The following L3MBTL4 variants were observed in gnomAD, a reference collection of about 807,000 sequenced individuals.
L3MBTL4 encodes the protein L3MBTL histone methyl-lysine binding protein 4, also known as lethal(3)malignant brain tumor-like protein 4.
L3MBTL4 carries 70 observed loss-of-function variants against 84.5 expected under a neutral mutation model. That is an observed-to-expected ratio of 0.83 (90% CI 0.68 to 1.01). L3MBTL4 has a LOEUF of 1.01. L3MBTL4 is among the 50% of genes least tolerant of loss of function. L3MBTL4 has a pLI of 0.00. For missense variants in L3MBTL4, 715 were observed against 754.8 expected (o/e 0.95, Z 0.62); for synonymous variants, 274 against 259.8 (o/e 1.05, Z -0.52).
intron 4 of L3MBTL4, among the ~76,000 whole-genome samples, chr18:6,265,324 C>G (rs2048583666): frequency 6.6e-6 from 1 of 152,092 alleles, no homozygotes; most frequent in Admixed American, 6.6e-5. Context: ...TTTTGAATAA[C>G]AAAAGCTGGC....
At chr18:6,135,800 C>T (rs1045338042) in intron 14 of L3MBTL4, among the ~76,000 whole-genome samples, 1 of 152,232 alleles carries the variant, frequency 6.6e-6, no homozygotes, top group Non-Finnish European at 1.5e-5. Flanking sequence ...CCAAACTGTT[C>T]CAACCTCTGC....
chr18:6,099,625 A>AT (rs2143823166), intron 14 of L3MBTL4, among the ~76,000 whole-genome samples: 1 of 57,716 alleles, frequency 1.7e-5, no homozygotes, highest in South Asian at 7.0e-4. Flanking sequence ...GAGAGAGGAG[A>AT]TTTTCAGGTC....
intron 1 of L3MBTL4, among the ~76,000 whole-genome samples, chr18:6,332,397 A>G (rs2052084804): frequency 6.6e-6 from 1 of 152,218 alleles, no homozygotes; most frequent in South Asian, 2.1e-4. Context: ...TTCTTTGTCC[A>G]GCTACCTGAT....
chr18:6,202,104 C>T (rs1271269389), intron 12 of L3MBTL4, among the ~76,000 whole-genome samples: 2 of 152,216 alleles, frequency 1.3e-5, no homozygotes, highest in Non-Finnish European at 2.9e-5. Context: ...AAACACAGAG[C>T]TGCAACCAAT....
At chr18:6,388,191 T>A (rs1256438738) in intron 1 of L3MBTL4, among the ~76,000 whole-genome samples, 1 of 152,114 alleles carries the variant, frequency 6.6e-6, no homozygotes, top group Non-Finnish European at 1.5e-5. Context: ...AAAATGCAAG[T>A]ACCAACAATC....
At position 6,071,815 on chromosome 18, in the gene L3MBTL4, G is replaced by A. The variant is rs1480430453; in HGVS notation, c.1444+9066C>T. Among the ~76,000 whole-genome samples, 251 of 116,182 alleles carry A rather than the reference G, an allele frequency of 2.2e-3. 4 individuals carry two copies. Among genetic ancestry groups the A allele is most frequent in the African/African-American group, 4.2e-3 (104 of 25,030 alleles). 76.2% of individuals were successfully genotyped at this position (116,182 alleles called of 152,430 possible). ...AAAGAAAGAAAGAAAAAGAAAGAAA[G>A]GAAAGAAAGAAAGAAAGAAAGAGAA... is the stretch of plus-strand genomic sequence containing the variant. On this transcript the variant is annotated intron_variant, in intron 16 of 18. Transcript: ENST00000317931.
intron 1 of L3MBTL4, among the ~76,000 whole-genome samples, chr18:6,330,197 A>G (rs1414104429): frequency 6.6e-6 from 1 of 152,228 alleles, no homozygotes. Context: ...TGGAACTCTC[A>G]TGTCACAGAG....
chr18:6,217,826 C>T (rs2046388168), intron 10 of L3MBTL4, among the ~76,000 whole-genome samples: 1 of 152,054 alleles, frequency 6.6e-6, no homozygotes, highest in Non-Finnish European at 1.5e-5. Flanking sequence ...AATTATATTG[C>T]CACCCTATTA....
chr18:6,049,420 A>G (rs1237078151), intron 16 of L3MBTL4, among the ~76,000 whole-genome samples: 1 of 152,240 alleles, frequency 6.6e-6, no homozygotes, highest in Non-Finnish European at 1.5e-5. Flanking sequence ...TAACCCCATT[A>G]AAAAGTAGGC....
At chr18:6,250,383 G>A (rs1442254228) in intron 5 of L3MBTL4, among the ~76,000 whole-genome samples, 2 of 152,136 alleles carry the variant, frequency 1.3e-5, no homozygotes, top group Admixed American at 1.3e-4. Context: ...TTATATGTGT[G>A]TGCCATCCAC....
intron 18 of L3MBTL4, 151 bp from the exon 19 acceptor site, chr18:5,956,538 T>C: frequency 1.5e-6 from 1 of 653,098 alleles, no homozygotes; most frequent in Non-Finnish European, 2.6e-6. Flanking sequence ...TAGCTCTCAC[T>C]CGGCTTAGTT....
At chr18:6,307,011 C>T (rs936406460) in intron 3 of L3MBTL4, among the ~76,000 whole-genome samples, 2 of 152,170 alleles carry the variant, frequency 1.3e-5, no homozygotes, top group South Asian at 2.1e-4. Context: ...ATATCACACA[C>T]GTCACCTTCT....
intron 1 of L3MBTL4, among the ~76,000 whole-genome samples, chr18:6,407,857 T>C (rs1265641992): frequency 1.3e-5 from 2 of 152,240 alleles, no homozygotes; most frequent in East Asian, 3.9e-4. Flanking sequence ...ATTCCACACC[T>C]CAGAGTGCAA....
intron 16 of L3MBTL4, among the ~76,000 whole-genome samples, chr18:5,998,131 C>T (rs1051658325): frequency 5.3e-5 from 8 of 152,194 alleles, no homozygotes; most frequent in Non-Finnish European, 1.0e-4. Context: ...AAATCTCAGC[C>T]CTGCCTGATC....
chr18:6,031,649 G>C, intron 16 of L3MBTL4: 1 of 975,008 alleles, frequency 1.0e-6, no homozygotes, highest in Non-Finnish European at 1.2e-6. Context: ...CAGGGCAGCT[G>C]ACTCAGCTTC....
intron 1 of L3MBTL4, among the ~76,000 whole-genome samples, chr18:6,322,456 T>TAGAAGGAAGGAA (rs1208508693): frequency 9.8e-6 from 1 of 102,548 alleles, no homozygotes; most frequent in African/African-American, 3.7e-5. Context: ...GAAGGAAGGA[T>TAGAAGGAAGGAA]GGAAGGAAGG....
intron 4 of L3MBTL4, among the ~76,000 whole-genome samples, chr18:6,300,573 A>G (rs2050295381): frequency 6.6e-6 from 1 of 152,242 alleles, no homozygotes; most frequent in Non-Finnish European, 1.5e-5. Flanking sequence ...ATATACCTGG[A>G]TGTAATGAAA....
chr18:6,392,337 T>C (rs940383435), intron 1 of L3MBTL4, among the ~76,000 whole-genome samples: 7 of 152,184 alleles, frequency 4.6e-5, no homozygotes, highest in African/African-American at 1.7e-4. Flanking sequence ...TCACTTGAGA[T>C]CGGGAGTTCA....
At chr18:6,160,114 G>A (rs2043262880) in intron 13 of L3MBTL4, among the ~76,000 whole-genome samples, 1 of 152,184 alleles carries the variant, frequency 6.6e-6, no homozygotes, top group Non-Finnish European at 1.5e-5. Flanking sequence ...CCATCCTGGA[G>A]CCTTCACCAA....
Sources: allele counts gnomAD v4.1 joint callset (sites outside exome capture counted in the v4.1 genomes callset), GRCh38; gene constraint gnomAD v4.1.1; transcripts MANE v1.5; gene names NCBI Gene and HGNC (gene_info 2026-07-23, HGNC 2026-07-21).